Variants in STAT3 observed in about 807,000 individuals in gnomAD.
STAT3 encodes the protein signal transducer and activator of transcription 3, also known as DNA-binding protein APRF.
Under a neutral mutation model 114.3 loss-of-function variants are expected in STAT3, and 7 were observed. That is an observed-to-expected ratio of 0.06 (90% CI 0.03 to 0.11). The LOEUF (loss-of-function observed/expected upper bound fraction) is 0.11, where lower values mean the gene tolerates loss of function less well. STAT3 is among the 10% of genes least tolerant of loss of function. The probability of loss-of-function intolerance (pLI) is 1.00; values close to 1 mark genes in which losing one functional copy is unlikely to be tolerated. For missense variants in STAT3, 364 were observed against 960.9 expected, an observed-to-expected ratio of 0.38 and a Z score of 8.21; for synonymous variants, 331 against 354.5, an observed-to-expected ratio of 0.93 and a Z score of 0.74.
intron 10 of STAT3, 27 bp from the exon 11 acceptor site, chr17:42,331,558 A>G (rs1442789715): frequency 1.9e-6 from 3 of 1,591,822 alleles, no homozygotes; most frequent in African/African-American, 2.7e-5. Context: ...AATCCAAGGA[A>G]AAAAAGTCAG....
In STAT3 at chr17:42,315,797, G is replaced by A. The variant is rs2144606676; in HGVS notation, c.2261C>T (p.Ser754Phe). Residue 754 changes from serine to phenylalanine, a missense_variant, in exon 24 of 24, where the codon TCC becomes TTC. Around this residue, in one of 5 missense-constraint regions of STAT3, gnomAD observed 37 missense variants for 66.5 expected, o/e 0.56. Coordinates refer to ENST00000264657, the MANE Select transcript of STAT3 (RefSeq NM_139276.3). ...GGTCAACTCCATGTCAAAGGTGAGG[G>A]ACTCTGGAGGGACAGACAGGGAAAA... ...AEPSAGGQFE[S>F]LTFDMELTSE... is the part of the protein sequence containing the mutation. 5.0e-6 allele frequency: 8 copies of A among 1,614,094 alleles called. No homozygotes were observed. The highest frequency in any genetic ancestry group is 6.8e-6 in the Non-Finnish European group (8 of 1,180,020).
At chr17:42,355,151 G>A (rs189444619) in intron 1 of STAT3, among the ~76,000 whole-genome samples, 17 of 152,108 alleles carry the variant, frequency 1.1e-4, no homozygotes, top group African/African-American at 4.1e-4. Context: ...TTTCAATTTT[G>A]GTTTTTCAAA....
chr17:42,324,658 C>T lies in STAT3; in HGVS notation c.1600+53G>A, dbSNP rs1344953317. ...GGCCCAAATGAACAGCCCTATGGGC[C>T]GGATCCCTTTTCTGGGCGGGTGGGC... On this transcript the variant is annotated intron_variant, in intron 17 of 23. Coordinates refer to ENST00000264657, the MANE Select transcript of STAT3 (RefSeq NM_139276.3). This position sits in a 1 kb window ranked among gnomAD's most constrained non-coding sequence, Gnocchi z 4.5. 1.2e-5 allele frequency: 18 copies of T among 1,487,380 alleles called. No homozygotes were observed. Among genetic ancestry groups the T allele is most frequent in the Admixed American group, 1.1e-4 (5 of 43,804 alleles). The allele number at this position is 1,487,380 out of a possible 1,614,324, so 92.1% of individuals were successfully genotyped here. A position where few individuals can be genotyped will look rare whatever the true frequency, so the allele number is the denominator to read the frequency against.
chr17:42,352,727 T>G (rs2083031192), intron 1 of STAT3, among the ~76,000 whole-genome samples: 1 of 152,092 alleles, frequency 6.6e-6, no homozygotes, highest in African/African-American at 2.4e-5. Flanking sequence ...AGAACTGATG[T>G]GCATACAAAG....
At chr17:42,348,649 G>T in intron 1 of STAT3, 110 bp from the exon 2 acceptor site, 1 of 1,229,474 alleles carries the variant, frequency 8.1e-7, no homozygotes. Flanking sequence ...GGATAAAGAT[G>T]CTCTGGGGAG....
intron 1 of STAT3, among the ~76,000 whole-genome samples, chr17:42,351,131 A>C (rs2082932411): frequency 2.0e-5 from 2 of 98,536 alleles, no homozygotes; most frequent in Admixed American, 8.7e-5. Context: ...CTCCATCTCA[A>C]AAAAAAAAAA....
intron 14 of STAT3, among the ~76,000 whole-genome samples, chr17:42,326,824 A>C (rs114206339): frequency 6.6e-6 from 1 of 152,116 alleles, no homozygotes; most frequent in African/African-American, 2.4e-5. Flanking sequence ...TGTCTCAATC[A>C]ATCAGTCAAT....
Position 42,388,203 on chromosome 17 carries a change from C to T in STAT3, c.-24+76G>A, listed in dbSNP as rs895136515. 7 of 1,227,476 alleles carry T rather than the reference C, an allele frequency of 5.7e-6. No homozygotes were observed. The African/African-American group carries it at 6.2e-5, about 11-fold the overall frequency. The allele number at this position is 1,227,476 out of a possible 1,614,324, so 76.0% of individuals were successfully genotyped here. A position where few individuals can be genotyped will look rare whatever the true frequency, so the allele number is the denominator to read the frequency against. On this transcript the variant is annotated intron_variant, in intron 1 of 23. Coordinates refer to ENST00000264657, the MANE Select transcript of STAT3 (RefSeq NM_139276.3). ...GCGTCCATCACAACATCCCCAAGGTCCCAGAGGCCCCCTGCCGCTGCGGAG... is the reference window on the plus strand; with the variant it reads ...GCGTCCATCACAACATCCCCAAGGTTCCAGAGGCCCCCTGCCGCTGCGGAG...
At chr17:42,359,089 C>T (rs945104554) in intron 1 of STAT3, among the ~76,000 whole-genome samples, 4 of 151,918 alleles carry the variant, frequency 2.6e-5, no homozygotes, top group African/African-American at 7.3e-5. Flanking sequence ...GCGCCCGCCA[C>T]CACACCCGGC....
intron 18 of STAT3, 47 bp from the exon 19 acceptor site, chr17:42,323,401 C>G: frequency 6.2e-7 from 1 of 1,603,500 alleles, no homozygotes; most frequent in Non-Finnish European, 8.5e-7. Flanking sequence ...CCATCCCAGC[C>G]CTTCCCTTCC....
chr17:42,360,864 G>T (rs762447645), intron 1 of STAT3, among the ~76,000 whole-genome samples: 1 of 152,100 alleles, frequency 6.6e-6, no homozygotes, highest in Non-Finnish European at 1.5e-5. Context: ...TCCAGGGAGG[G>T]ACAACCAGGG....
rs1555581273 is a variant in STAT3, at chr17:42,384,132, A to AGT, written c.-24+4146_-24+4147insAC. On this transcript the variant is annotated intron_variant, in intron 1 of 23. Coordinates refer to ENST00000264657, the MANE Select transcript of STAT3 (RefSeq NM_139276.3). Reference sequence around the variant, plus strand: ...GTTTTATTTATTTATTTATTTATTTATTTTTTTTTTTTTTGAGACGGAGTC... The same window carrying AGT: ...GTTTTATTTATTTATTTATTTATTTAGTTTTTTTTTTTTTTTGAGACGGAGTC... 2.5e-4 allele frequency among the ~76,000 whole-genome samples: 34 copies of AGT among 134,970 alleles called. 1 individual carries two copies. Among genetic ancestry groups the AGT allele is most frequent in the African/African-American group, 5.0e-4 (18 of 35,776 alleles). 88.5% of individuals were successfully genotyped at this position (134,970 alleles called of 152,430 possible). A position where few individuals can be genotyped will look rare whatever the true frequency, so the allele number is the denominator to read the frequency against.
At chr17:42,343,481 C>T (rs1266467600) in intron 4 of STAT3, among the ~76,000 whole-genome samples, 38 of 109,872 alleles carry the variant, frequency 3.5e-4, no homozygotes, top group African/African-American at 4.6e-4. Context: ...TTTTTTCAGT[C>T]GGAGTCTCGC....
At chr17:42,331,658 A>G in intron 10 of STAT3, 127 bp from the exon 11 acceptor site, 1 of 770,394 alleles carries the variant, frequency 1.3e-6, no homozygotes, top group Non-Finnish European at 2.2e-6. Flanking sequence ...CTATAATTAC[A>G]GGCTCACATC....
intron 5 of STAT3, 33 bp downstream of exon 5, chr17:42,339,281 A>C (rs373910519): frequency 3.7e-5 from 59 of 1,605,802 alleles, no homozygotes; most frequent in Non-Finnish European, 4.8e-5. Flanking sequence ...AATTAATGAA[A>C]GCTCCCTGCC....
chr17:42,316,195 G>T, intron 23 of STAT3: 1 of 602,434 alleles, frequency 1.7e-6, no homozygotes, highest in Non-Finnish European at 2.3e-6. Context: ...GGCTTAGTAT[G>T]AAAAAAAAGA....
chr17:42,338,632 C>T, intron 6 of STAT3, 99 bp downstream of exon 6: 2 of 1,216,432 alleles, frequency 1.6e-6, no homozygotes, highest in Non-Finnish European at 2.4e-6. Flanking sequence ...TGCGCCCCGC[C>T]CGCCTTAAGA....
In STAT3 at chr17:42,325,193, C is replaced by T. The variant is rs745424870; in HGVS notation, c.1366-132G>A. On this transcript the variant is annotated intron_variant, in intron 15 of 23. Coordinates refer to ENST00000264657, the MANE Select transcript of STAT3 (RefSeq NM_139276.3). The stretch of plus-strand genomic sequence containing the variant: ...AACCACACCTGCTGCCAACTCTAGG[C>T]GAGGAGTGTGAGTGAGTCAGCTCAG... 618 of 830,918 alleles carry T rather than the reference C, an allele frequency of 7.4e-4. 7 individuals are homozygous for T. The highest frequency in any genetic ancestry group is 2.1e-4 in the Non-Finnish European group (106 of 514,074). 51.5% of individuals were successfully genotyped at this position (830,918 alleles called of 1,614,324 possible). A position where few individuals can be genotyped will look rare whatever the true frequency, so the allele number is the denominator to read the frequency against.
intron 14 of STAT3, among the ~76,000 whole-genome samples, chr17:42,328,483 C>CTG (rs1320315382): frequency 6.6e-6 from 1 of 152,182 alleles, no homozygotes; most frequent in African/African-American, 2.4e-5. Flanking sequence ...TCTTGGCTCA[C>CTG]TGCAAGCTCC....
Sources: gnomAD v4.1 joint callset for allele counts (sites outside exome capture counted in the v4.1 genomes callset) on GRCh38, gnomAD v4.1.1 for gene constraint, gnomAD v4.1.1 regional missense constraint, Gnocchi (gnomAD v3.1) non-coding constraint, MANE v1.5 for transcripts, NCBI Gene and HGNC (gene_info 2026-07-23, HGNC 2026-07-21) for gene names.